SLC43A2: variants seen among roughly 807,000 people sequenced by gnomAD.
SLC43A2 encodes solute carrier family 43 member 2, also known as large neutral amino acids transporter small subunit 4.
Under a neutral mutation model 63.2 loss-of-function variants are expected in SLC43A2, and 38 were observed. The ratio of observed to expected loss-of-function variants is 0.60; its 90% CI spans 0.46 to 0.79. SLC43A2 has a LOEUF of 0.79. Among genes scored for constraint, SLC43A2 ranks in the 30% least tolerant of loss-of-function variants. SLC43A2 has a pLI of 0.00. For synonymous variants in SLC43A2, 322 were observed against 331.0 expected (o/e 0.97, Z 0.30); for missense variants, 644 against 756.2 (o/e 0.85, Z 1.74).
chr17:1,628,102 G>A, intron 1 of SLC43A2, 182 bp from the exon 2 acceptor site: 2 of 507,656 alleles, frequency 3.9e-6, no homozygotes, highest in South Asian at 9.6e-5. Flanking sequence ...CGAGCCCGCG[G>A]CCGGCTCGTA....
intron 12 of SLC43A2, 42 bp from the exon 13 acceptor site, chr17:1,576,762 G>A: frequency 6.3e-7 from 1 of 1,596,676 alleles, no homozygotes; most frequent in African/African-American, 1.3e-5. Flanking sequence ...TGCCTCCTGG[G>A]CTTTGCTTGG....
chr17:1,618,565 C>G (rs571156638), intron 2 of SLC43A2, among the ~76,000 whole-genome samples: 4 of 152,214 alleles, frequency 2.6e-5, no homozygotes, highest in African/African-American at 9.7e-5. Flanking sequence ...TGTGTGGAAG[C>G]GCAAAGACAT....
At position 1,591,773 on chromosome 17, in the gene SLC43A2, G is replaced by C. The variant is rs1045343376; in HGVS notation, c.595-74C>G. Reference sequence around the variant, plus strand: ...GCCCGGGGAGGCCAGAGCCGCAGCAGGCAGGGGCGTCTGGCCACCCCTGCT... The same window carrying C: ...GCCCGGGGAGGCCAGAGCCGCAGCACGCAGGGGCGTCTGGCCACCCCTGCT... On this transcript the variant is annotated intron_variant, in intron 6 of 13. Coordinates refer to ENST00000301335, the MANE Select transcript of SLC43A2 (RefSeq NM_152346.3). 33 of 1,204,062 alleles carry C rather than the reference G, an allele frequency of 2.7e-5. No homozygotes were observed. In the Admixed American group the frequency reaches 7.2e-4, roughly 26 times the overall value. The allele number at this position is 1,204,062 out of a possible 1,614,324, so 74.6% of individuals were successfully genotyped here.
Position 1,606,897 on chromosome 17 carries a change from G to A in SLC43A2, c.501+6298C>T, listed in dbSNP as rs868163111. Among the ~76,000 whole-genome samples the A allele has an allele frequency of 7.9e-5, 12 of 152,212 alleles. No individual in the cohort carries two copies. The highest frequency in any genetic ancestry group is 1.7e-4 in the African/African-American group (7 of 41,468). On this transcript the variant is annotated intron_variant, in intron 5 of 13. Coordinates refer to ENST00000301335, the MANE Select transcript of SLC43A2 (RefSeq NM_152346.3). This position sits in a 1 kb window ranked among gnomAD's most constrained non-coding sequence, Gnocchi z 4.7. ...GACGCGACAGCCACCCTTGCCCCTC[G>A]GAGCCTCCACTTGGGAGGGAAATAC...
chr17:1,589,476 G>A (rs4602094), intron 9 of SLC43A2, among the ~76,000 whole-genome samples: 14,016 of 152,086 alleles, frequency 0.092, 1,243 homozygotes, highest in East Asian at 0.29. Flanking sequence ...GTGGTGGCGC[G>A]CACCTGGGGA....
intron 9 of SLC43A2, chr17:1,586,928 T>TGGCGCCCCCCCCC: frequency 1.6e-6 from 2 of 1,232,914 alleles, no homozygotes; most frequent in Non-Finnish European, 2.2e-6. Context: ...TCCCTGACAA[T>TGGCGCCCCCCCCC]CCCCCCCACC....
At chr17:1,615,942 G>C (rs112601552) in intron 3 of SLC43A2, among the ~76,000 whole-genome samples, 23,409 of 149,436 alleles carry the variant, frequency 0.16, 2,592 homozygotes, top group East Asian at 0.4. Context: ...ACTCGGGAGG[G>C]TGAGACAGGA....
At chr17:1,629,666 A>G (rs573620035), upstream of SLC43A2, among the ~76,000 whole-genome samples, 3 of 152,224 alleles carry the variant, frequency 2.0e-5, no homozygotes, top group South Asian at 6.2e-4. Context: ...CTTGATCGTC[A>G]TCTGGGTGCT....
At chr17:1,594,644 G>C (rs190877088) in intron 5 of SLC43A2, among the ~76,000 whole-genome samples, 1 of 133,454 alleles carries the variant, frequency 7.5e-6, no homozygotes, top group Non-Finnish European at 1.6e-5. Flanking sequence ...CTGTACTGCA[G>C]TGGCTCTATC....
chr17:1,626,499 G>A (rs1384882420), intron 2 of SLC43A2, among the ~76,000 whole-genome samples: 1 of 152,114 alleles, frequency 6.6e-6, no homozygotes, highest in African/African-American at 2.4e-5. Flanking sequence ...TATACTTTCT[G>A]TCCTCTCCCC....
In SLC43A2 at chr17:1,590,791, G is replaced by T. The variant is rs751292597; in HGVS notation, c.1078+11C>A. ...GGAGTGACAGCGACCGAGGCTGCCC[G>T]GGGCACCTACCTGTCTTCTGGTCGC... On this transcript the variant is annotated intron_variant, in intron 9 of 13. Coordinates refer to ENST00000301335, the MANE Select transcript of SLC43A2 (RefSeq NM_152346.3). 1.9e-6 allele frequency: 3 copies of T among 1,552,108 alleles called. No individual in the cohort carries two copies. The African/African-American group carries it at 4.1e-5, about 21-fold the overall frequency.
intron 4 of SLC43A2, among the ~76,000 whole-genome samples, chr17:1,613,846 C>A (rs536424041): frequency 6.6e-6 from 1 of 152,290 alleles, no homozygotes; most frequent in South Asian, 2.1e-4. Flanking sequence ...CACCTAGAAT[C>A]CCAACACTTT....
chr17:1,585,578 G>T, intron 10 of SLC43A2: 4 of 935,198 alleles, frequency 4.3e-6, no homozygotes, highest in Non-Finnish European at 5.8e-6. Context: ...ACGGGGAGTG[G>T]GGGCTGGCCA....
intron 9 of SLC43A2, among the ~76,000 whole-genome samples, chr17:1,590,562 C>T (rs772533364): frequency 3.3e-5 from 5 of 152,184 alleles, no homozygotes; most frequent in Non-Finnish European, 4.4e-5. Context: ...CCCCACACCC[C>T]ACACCCAGGA....
At chr17:1,628,579 C>G (rs1213433523) in intron 1 of SLC43A2, among the ~76,000 whole-genome samples, 1 of 152,210 alleles carries the variant, frequency 6.6e-6, no homozygotes, top group Non-Finnish European at 1.5e-5. Context: ...CGACCCCCAT[C>G]TCGGGCGTTC....
At chr17:1,614,928 G>A (rs1482796054) in intron 4 of SLC43A2, 51 bp downstream of exon 4, 3 of 1,594,738 alleles carry the variant, frequency 1.9e-6, no homozygotes, top group African/African-American at 2.7e-5. Flanking sequence ...GAGCAGCTCA[G>A]GGCACTCTCT....
intron 5 of SLC43A2, among the ~76,000 whole-genome samples, chr17:1,608,905 C>T (rs1906854086): frequency 6.6e-6 from 1 of 152,132 alleles, no homozygotes; most frequent in Admixed American, 6.6e-5. Context: ...TCGGAAAGAA[C>T]ACTAGTGTCT....
intron 2 of SLC43A2, among the ~76,000 whole-genome samples, chr17:1,621,542 G>C (rs954645185): frequency 1.3e-5 from 2 of 152,250 alleles, no homozygotes; most frequent in African/African-American, 4.8e-5. Context: ...ACAACAGGCA[G>C]GAGGGCACGG....
chr17:1,612,464 A>G (rs866356665), intron 5 of SLC43A2, among the ~76,000 whole-genome samples: 27 of 152,322 alleles, frequency 1.8e-4, no homozygotes, highest in Middle Eastern at 3.4e-3. Flanking sequence ...TGCATTTTCC[A>G]TCTGGCTCCG....
Sources: gnomAD v4.1 joint callset for allele counts (sites outside exome capture counted in the v4.1 genomes callset) on GRCh38, gnomAD v4.1.1 for gene constraint, Gnocchi (gnomAD v3.1) non-coding constraint, MANE v1.5 for transcripts, NCBI Gene and HGNC (gene_info 2026-07-23, HGNC 2026-07-21) for gene names.